Variants in CHCHD10 observed in about 807,000 individuals in gnomAD.
CHCHD10 encodes coiled-coil-helix-coiled-coil-helix domain-containing protein 10, mitochondrial.
In CHCHD10, 10 loss-of-function variants were observed where a neutral mutation model predicts 14.8. The ratio of observed to expected loss-of-function variants is 0.67; its 90% CI spans 0.42 to 1.14. CHCHD10 has a LOEUF of 1.14. Among genes scored for constraint, CHCHD10 ranks in the 50% most tolerant of loss-of-function variants. The pLI is 0.00. For synonymous variants in CHCHD10, 90 were observed against 85.2 expected (o/e 1.06, Z -0.31); for missense variants, 203 against 196.9 (o/e 1.03, Z -0.19).
In CHCHD10 at chr22:23,767,599, G is replaced by T. The variant is rs958389013; in HGVS notation, c.42-6C>A. On this transcript the variant is annotated splice_region_variant and splice_polypyrimidine_tract_variant and intron_variant, in intron 1 of 3. Coordinates refer to ENST00000484558, the MANE Select transcript of CHCHD10 (RefSeq NM_213720.3). ...CAGAGGGCGCGGCTGGGCGGCTGCG[G>T]GGGTGGGAGGAAGCAGGGTTAATCC... 1 of 1,161,066 alleles carries T rather than the reference G, an allele frequency of 8.6e-7. No homozygotes were observed. Among genetic ancestry groups the T allele is most frequent in the Non-Finnish European group, 1.1e-6 (1 of 884,012 alleles). 71.9% of individuals were successfully genotyped at this position (1,161,066 alleles called of 1,614,324 possible). A position where few individuals can be genotyped will look rare whatever the true frequency, so the allele number is the denominator to read the frequency against.
In CHCHD10 at chr22:23,766,142, C is replaced by CA. The variant is rs1397138322; in HGVS notation, c.394dup (p.Cys132LeufsTer68). On this transcript the variant is annotated frameshift_variant, in exon 3 of 4. Transcript: ENST00000484558. LOFTEE classifies it high-confidence loss of function. ...CACTCACTCACCATGGTAGTACTTG[C>CA]ACTGCTTCAGGGCCTCGCTGAAGCC... The CA allele has an allele frequency of 3.1e-6, 5 of 1,613,688 alleles. No individual in the cohort carries two copies. The highest frequency in any genetic ancestry group is 4.2e-6 in the Non-Finnish European group (5 of 1,179,908).
Position 23,766,210 on chromosome 22 carries a change from G to C in CHCHD10, c.327C>G (p.Phe109Leu), listed in dbSNP as rs1438034155. The C allele has an allele frequency of 6.6e-7, 1 of 1,520,724 alleles. No homozygotes were observed. Among genetic ancestry groups the C allele is most frequent in the Non-Finnish European group, 8.9e-7 (1 of 1,122,250 alleles). The allele number at this position is 1,520,724 out of a possible 1,614,324, so 94.2% of individuals were successfully genotyped here. A position where few individuals can be genotyped will look rare whatever the true frequency, so the allele number is the denominator to read the frequency against. ...MGPCAYEIRQ[F>L]LDCSTTQSDL... ...CACTCTGAGTGGTGGAACAGTCCAG[G>C]AACTGCCTGATCTCGTAGGCGCAGG... Residue 109 changes from phenylalanine to leucine, a missense_variant, in exon 3 of 4, where the codon TTC (phenylalanine) becomes TTG (leucine). Transcript: ENST00000484558.
chr22:23,766,440 G>T, intron 2 of CHCHD10, 165 bp from the exon 3 acceptor site: 30 of 528,498 alleles, frequency 5.7e-5, no homozygotes, highest in Non-Finnish European at 7.0e-5. Flanking sequence ...CAGACAGCAT[G>T]TTTCTGCTGC....
rs745515245 is a variant in CHCHD10, at chr22:23,765,916, G to A, written c.*91C>T. Reference sequence around the variant, plus strand: ...AGAAACCTCCTCACTTCCAATCCCAGCTATCTGGGTACAATCTGGTGTTGT... The same window carrying A: ...AGAAACCTCCTCACTTCCAATCCCAACTATCTGGGTACAATCTGGTGTTGT... On this transcript the variant is annotated 3_prime_UTR_variant, in exon 4 of 4. Coordinates refer to ENST00000484558, the MANE Select transcript of CHCHD10 (RefSeq NM_213720.3). 22 of 1,600,372 alleles carry A rather than the reference G, an allele frequency of 1.4e-5. No individual in the cohort carries two copies. The highest frequency in any genetic ancestry group is 1.2e-4 in the Admixed American group (7 of 59,694).
chr22:23,767,901 CT>C lies in CHCHD10; in HGVS notation c.-28del. The C allele has an allele frequency of 6.7e-7, 1 of 1,485,730 alleles. No individual in the cohort carries two copies. The highest frequency in any genetic ancestry group is 1.3e-5 in the South Asian group (1 of 77,046). The allele number at this position is 1,485,730 out of a possible 1,614,324, so 92.0% of individuals were successfully genotyped here. A position where few individuals can be genotyped will look rare whatever the true frequency, so the allele number is the denominator to read the frequency against. ...GTGGCGGCGGTGGGACCCGGGCGAC[CT>C]TAGAGACGGCGGCAGCGGTGCTGTC... is the stretch of plus-strand genomic sequence containing the variant. On this transcript the variant is annotated 5_prime_UTR_variant, in exon 1 of 4. Coordinates refer to ENST00000484558, the MANE Select transcript of CHCHD10 (RefSeq NM_213720.3).
In CHCHD10 at chr22:23,767,545, C is replaced by T; in HGVS notation, c.90G>A (p.Ser30=). Residue 30 remains serine, a synonymous_variant, in exon 2 of 4, where the codon TCG becomes TCA. Transcript: ENST00000484558. ...AAGGGGCGGGGGCTGGGGCGGCTGC[C>T]GAGGGCGGTGGGTGCGCGGGCGGGT... ...SAHPPAHPPP[S]AAAPAPAPSG... is the part of the protein sequence containing the mutation. The T allele has an allele frequency of 7.3e-7, 1 of 1,370,602 alleles. No homozygotes were observed. Among genetic ancestry groups the T allele is most frequent in the Non-Finnish European group, 9.5e-7 (1 of 1,057,670 alleles). The allele number at this position is 1,370,602 out of a possible 1,614,324, so 84.9% of individuals were successfully genotyped here.
chr22:23,766,274 G>GGGGGGGGC lies in CHCHD10; in HGVS notation c.262_263insGCCCCCCC (p.Ala88GlyfsTer45). Reference sequence around the variant, plus strand: ...GGGCTGGGGGGCAGCGGGGGTGGGGGCCTGGGGGTACAGTGCAAGAGGCTG... The same window carrying GGGGGGGGC: ...GGGCTGGGGGGCAGCGGGGGTGGGGGGGGGGGGCCCTGGGGGTACAGTGCAAGAGGCTG... On this transcript the variant is annotated frameshift_variant and splice_region_variant, in exon 3 of 4. Transcript: ENST00000484558. LOFTEE classifies it high-confidence loss of function. The GGGGGGGGC allele has an allele frequency of 2.8e-6, 4 of 1,440,724 alleles. No homozygotes were observed. Among genetic ancestry groups the GGGGGGGGC allele is most frequent in the African/African-American group, 1.4e-5 (1 of 71,436 alleles). 89.2% of individuals were successfully genotyped at this position (1,440,724 alleles called of 1,614,324 possible).
intron 2 of CHCHD10, among the ~76,000 whole-genome samples, chr22:23,766,999 G>A (rs985309669): frequency 1.3e-5 from 2 of 152,310 alleles, no homozygotes; most frequent in South Asian, 2.1e-4. Context: ...TCGCCCTTGC[G>A]CCCAGCGGCC....
rs567239313 is a variant in CHCHD10 at position 23,767,600 on chromosome 22, G to C, written c.42-7C>G. On this transcript the variant is annotated splice_region_variant and splice_polypyrimidine_tract_variant and intron_variant, in intron 1 of 3. Coordinates refer to ENST00000484558, the MANE Select transcript of CHCHD10 (RefSeq NM_213720.3). ...AGAGGGCGCGGCTGGGCGGCTGCGG[G>C]GGTGGGAGGAAGCAGGGTTAATCCT... 3.2e-3 allele frequency: 3,768 copies of C among 1,162,580 alleles called. 120 individuals are homozygous for C. The African/African-American group carries it at 0.05, about 16-fold the overall frequency. 72.0% of individuals were successfully genotyped at this position (1,162,580 alleles called of 1,614,324 possible). A position where few individuals can be genotyped will look rare whatever the true frequency, so the allele number is the denominator to read the frequency against.
rs1163480023 is a variant in CHCHD10, at chr22:23,767,946, G to C, written c.-72C>G. ...TGCTGTCGCGGGGACAAATGCCGCA[G>C]CGCTTGTCACAGCCGGCGCAAAAAA... On this transcript the variant is annotated 5_prime_UTR_variant, in exon 1 of 4. Coordinates refer to ENST00000484558, the MANE Select transcript of CHCHD10 (RefSeq NM_213720.3). 3.1e-6 allele frequency: 4 copies of C among 1,294,772 alleles called. No individual in the cohort carries two copies. Among genetic ancestry groups the C allele is most frequent in the South Asian group, 1.7e-5 (1 of 58,990 alleles). The allele number at this position is 1,294,772 out of a possible 1,614,324, so 80.2% of individuals were successfully genotyped here.
At chr22:23,766,072 C>A in intron 3 of CHCHD10, 46 bp from the exon 4 acceptor site, 1 of 1,612,884 alleles carries the variant, frequency 6.2e-7, no homozygotes, top group Non-Finnish European at 8.5e-7. Flanking sequence ...CCTGCAGGTG[C>A]AAGAGGAGGG....
In CHCHD10 at chr22:23,766,547, G is replaced by T. The variant is rs1926841203; in HGVS notation, c.262-272C>A. ...GGCTCACTGCAACCTCCGCCTCCCGGGTTCAAGTGGTTGTCCTGCCTTGGC... is the reference window on the plus strand; with the variant it reads ...GGCTCACTGCAACCTCCGCCTCCCGTGTTCAAGTGGTTGTCCTGCCTTGGC... On this transcript the variant is annotated intron_variant, in intron 2 of 3. Transcript: ENST00000484558. The T allele has an allele frequency of 1.5e-5, 6 of 390,312 alleles. No individual in the cohort carries two copies. The East Asian group carries it at 2.8e-4, about 18-fold the overall frequency. 24.2% of individuals were successfully genotyped at this position (390,312 alleles called of 1,614,324 possible).
chr22:23,766,252 C>A lies in CHCHD10; in HGVS notation c.285G>T (p.Gln95His). ...AGGCGCAGGGCCCCATCTGCAGGGGCTGGGGGGCAGCGGGGGTGGGGGCCT... is the reference window on the plus strand; with the variant it reads ...AGGCGCAGGGCCCCATCTGCAGGGGATGGGGGGCAGCGGGGGTGGGGGCCT... ...VQQAPTPAAPQPLQMGPCAYE... is the reference protein window; with the variant it reads ...VQQAPTPAAPHPLQMGPCAYE... Residue 95 changes from glutamine (Q) to histidine (H), a missense_variant, in exon 3 of 4, where the codon CAG becomes CAT. Gln to His is a conservative substitution (Grantham distance 24). Coordinates refer to ENST00000484558, the MANE Select transcript of CHCHD10 (RefSeq NM_213720.3). 2 of 1,134,954 alleles carry A rather than the reference C, an allele frequency of 1.8e-6. No homozygotes were observed. The highest frequency in any genetic ancestry group is 3.3e-5 in the East Asian group (1 of 30,638). The allele number at this position is 1,134,954 out of a possible 1,614,324, so 70.3% of individuals were successfully genotyped here. A position where few individuals can be genotyped will look rare whatever the true frequency, so the allele number is the denominator to read the frequency against.
intron 2 of CHCHD10, among the ~76,000 whole-genome samples, chr22:23,767,031 G>A (rs1926887019): frequency 6.6e-6 from 1 of 152,214 alleles, no homozygotes; most frequent in African/African-American, 2.4e-5. Flanking sequence ...ACCTGGGTGT[G>A]GGGAGAACAG....
chr22:23,765,957 G>A lies in CHCHD10; in HGVS notation c.*50C>T, dbSNP rs373091495. The A allele has an allele frequency of 2.8e-5, 45 of 1,612,526 alleles. No individual in the cohort carries two copies. The African/African-American group carries it at 4.0e-4, about 14-fold the overall frequency. On this transcript the variant is annotated 3_prime_UTR_variant, in exon 4 of 4. Coordinates refer to ENST00000484558, the MANE Select transcript of CHCHD10 (RefSeq NM_213720.3). ...CTGGTGTTGTGGTCTGGCTGTCGGCGAGGGGTAGAGGTGGGTGCAGGACTG... is the reference window on the plus strand; with the variant it reads ...CTGGTGTTGTGGTCTGGCTGTCGGCAAGGGGTAGAGGTGGGTGCAGGACTG...
chr22:23,767,789 C>T (rs1286205083), intron 1 of CHCHD10, 45 bp downstream of exon 1: 4 of 1,497,714 alleles, frequency 2.7e-6, no homozygotes, highest in Non-Finnish European at 3.6e-6. Flanking sequence ...GGAGTGCCCA[C>T]ACTTCCCTAA....
Position 23,765,965 on chromosome 22 carries a change from G to A in CHCHD10, c.*42C>T, listed in dbSNP as rs780395984. The A allele has an allele frequency of 6.2e-7, 1 of 1,612,912 alleles. No individual in the cohort carries two copies. The highest frequency in any genetic ancestry group is 8.5e-7 in the Non-Finnish European group (1 of 1,179,762). The stretch of plus-strand genomic sequence containing the variant: ...GTGGTCTGGCTGTCGGCGAGGGGTA[G>A]AGGTGGGTGCAGGACTGGCCCCCGA... On this transcript the variant is annotated 3_prime_UTR_variant, in exon 4 of 4. Coordinates refer to ENST00000484558, the MANE Select transcript of CHCHD10 (RefSeq NM_213720.3).
At position 23,767,537 on chromosome 22, in the gene CHCHD10, G is replaced by A. The variant is rs1926943279; in HGVS notation, c.98C>T (p.Ala33Val). ...PPAHPPPSAAAPAPAPSGQPG... is the reference protein window; with the variant it reads ...PPAHPPPSAAVPAPAPSGQPG... ...CTGGCCCGAAGGGGCGGGGGCTGGGGCGGCTGCCGAGGGCGGTGGGTGCGC... is the reference window on the plus strand; with the variant it reads ...CTGGCCCGAAGGGGCGGGGGCTGGGACGGCTGCCGAGGGCGGTGGGTGCGC... Residue 33 changes from alanine to valine, a missense_variant, in exon 2 of 4, where the codon GCC (alanine) becomes GTC (valine). Transcript: ENST00000484558. The A allele has an allele frequency of 1.4e-6, 2 of 1,448,424 alleles. No individual in the cohort carries two copies. Among genetic ancestry groups the A allele is most frequent in the South Asian group, 1.3e-5 (1 of 74,220 alleles). 89.7% of individuals were successfully genotyped at this position (1,448,424 alleles called of 1,614,324 possible). A position where few individuals can be genotyped will look rare whatever the true frequency, so the allele number is the denominator to read the frequency against.
Position 23,767,839 on chromosome 22 carries a change from TG to T in CHCHD10, c.35del (p.Pro12GlnfsTer44). Reference protein sequence around the residue: ...PRGSRSAASRPASRPAAPSAH... With the variant: ...PRGSRSAASRXASRPAAPSAH... ...GGCCCTTGTCCCCCTCACACCTGGC[TG>T]GCCGGGAGGCCGCGCTGCGGCTTCC... On this transcript the variant is annotated frameshift_variant, in exon 1 of 4. Transcript: ENST00000484558. LOFTEE classifies it high-confidence loss of function. 6.5e-7 allele frequency: 1 copy of T among 1,527,032 alleles called. No individual in the cohort carries two copies. The allele number at this position is 1,527,032 out of a possible 1,614,324, so 94.6% of individuals were successfully genotyped here. A position where few individuals can be genotyped will look rare whatever the true frequency, so the allele number is the denominator to read the frequency against.
Sources: allele counts gnomAD v4.1 joint callset (sites outside exome capture counted in the v4.1 genomes callset), GRCh38; gene constraint gnomAD v4.1.1; transcripts MANE v1.5; gene names NCBI Gene and HGNC (gene_info 2026-07-23, HGNC 2026-07-21).